The following TMEM132C variants were observed in gnomAD, a reference collection of about 807,000 sequenced individuals.
TMEM132C encodes the protein transmembrane protein 132C, also known as protein phosphatase 1, regulatory subunit 152.
TMEM132C carries 29 observed loss-of-function variants against 61.4 expected under a neutral mutation model. That is an observed-to-expected ratio of 0.47 (90% CI 0.35 to 0.64). TMEM132C has a LOEUF of 0.64. TMEM132C is among the 30% of genes least tolerant of loss of function. The pLI is 0.00. For synonymous variants in TMEM132C, 656 were observed against 633.1 expected (o/e 1.04, Z -0.54); for missense variants, 1,408 against 1,476.9 (o/e 0.95, Z 0.76).
intron 2 of TMEM132C, among the ~76,000 whole-genome samples, chr12:128,421,926 CA>C (rs76643689): frequency 0.023 from 3,487 of 152,188 alleles, 225 homozygotes; most frequent in Admixed American, 0.12. Context: ...TATGACTTGG[CA>C]AAAAATAAAG....
At chr12:128,434,529 C>T (rs568929304) in intron 2 of TMEM132C, among the ~76,000 whole-genome samples, 200 of 152,276 alleles carry the variant, frequency 1.3e-3, no homozygotes, top group African/African-American at 4.1e-3. Flanking sequence ...CTCAAGTGAT[C>T]CGCCTGCCTC....
chr12:128,474,073 A>C (rs1322746629), intron 2 of TMEM132C, among the ~76,000 whole-genome samples: 1 of 152,172 alleles, frequency 6.6e-6, no homozygotes. Flanking sequence ...ATCCTGTTGT[A>C]AAATTTTAGA....
At chr12:128,470,694 G>C (rs969356555) in intron 2 of TMEM132C, among the ~76,000 whole-genome samples, 3 of 152,174 alleles carry the variant, frequency 2.0e-5, no homozygotes, top group African/African-American at 7.2e-5. Context: ...CTATGCAAGA[G>C]GAATGTGTTC....
intron 2 of TMEM132C, among the ~76,000 whole-genome samples, chr12:128,421,269 T>C (rs1419582459): frequency 6.6e-6 from 1 of 152,196 alleles, no homozygotes; most frequent in Admixed American, 6.5e-5. Context: ...AATGAGTGAA[T>C]AAAGAACATG....
At chr12:128,469,674 A>G (rs1309179108) in intron 2 of TMEM132C, among the ~76,000 whole-genome samples, 2 of 148,594 alleles carry the variant, frequency 1.3e-5, no homozygotes, top group Non-Finnish European at 3.0e-5. Flanking sequence ...ATATATATAT[A>G]TGTGCATTTA....
chr12:128,441,228 G>A (rs940137480), intron 2 of TMEM132C, among the ~76,000 whole-genome samples: 9 of 152,188 alleles, frequency 5.9e-5, no homozygotes, highest in African/African-American at 2.2e-4. Flanking sequence ...GCAGAGCCAC[G>A]GTCAACCTCA....
chr12:128,344,915 A>T (rs1873099953), intron 1 of TMEM132C, among the ~76,000 whole-genome samples: 1 of 151,276 alleles, frequency 6.6e-6, no homozygotes, highest in Non-Finnish European at 1.5e-5. Context: ...TTCCTAAAAA[A>T]GATGAGTTTC....
intron 2 of TMEM132C, among the ~76,000 whole-genome samples, chr12:128,503,673 A>G (rs1029691050): frequency 1.3e-5 from 2 of 152,216 alleles, no homozygotes; most frequent in Non-Finnish European, 2.9e-5. Context: ...CCCATCATCA[A>G]TGTCATGAGG....
intron 4 of TMEM132C, among the ~76,000 whole-genome samples, chr12:128,646,404 A>T (rs1954199007): frequency 6.6e-6 from 1 of 151,060 alleles, no homozygotes; most frequent in Non-Finnish European, 1.5e-5. Flanking sequence ...TGTTTACTAG[A>T]TCCCATCAGT....
chr12:128,655,363 C>CGTGT (rs1440455392), intron 4 of TMEM132C, among the ~76,000 whole-genome samples: 1 of 152,044 alleles, frequency 6.6e-6, no homozygotes, highest in Non-Finnish European at 1.5e-5. Flanking sequence ...TGTTTGTGTG[C>CGTGT]GTGTGTGTAA....
At position 128,341,745 on chromosome 12, in the gene TMEM132C, G is replaced by A. The variant is rs150090394; in HGVS notation, c.86-72987G>A. 2.3e-3 allele frequency among the ~76,000 whole-genome samples: 355 copies of A among 152,328 alleles called. 3 individuals carry two copies. The highest frequency in any genetic ancestry group is 0.01 in the Middle Eastern group (3 of 294). ...AGCCATTTTGGGGGATGAGGTAGAA[G>A]TAGAGAATGGCATGCAGATTCGGGG... On this transcript the variant is annotated intron_variant, in intron 1 of 8. Coordinates refer to ENST00000435159, the MANE Select transcript of TMEM132C (RefSeq NM_001136103.3).
At chr12:128,683,436 A>G (rs1486365831) in intron 5 of TMEM132C, among the ~76,000 whole-genome samples, 1 of 152,156 alleles carries the variant, frequency 6.6e-6, no homozygotes, top group African/African-American at 2.4e-5. Context: ...ACAGGCCACA[A>G]TTATTCCTAC....
At chr12:128,391,809 A>G (rs962568489) in intron 1 of TMEM132C, among the ~76,000 whole-genome samples, 1 of 152,222 alleles carries the variant, frequency 6.6e-6, no homozygotes, top group Admixed American at 6.5e-5. Flanking sequence ...CAGACTTTAG[A>G]CCAGGGGTCT....
intron 2 of TMEM132C, among the ~76,000 whole-genome samples, chr12:128,500,710 AT>A (rs1324572918): frequency 6.6e-6 from 1 of 152,216 alleles, no homozygotes; most frequent in Non-Finnish European, 1.5e-5. Context: ...AAACTGAAAC[AT>A]TCATACATTG....
intron 4 of TMEM132C, among the ~76,000 whole-genome samples, chr12:128,666,288 CACAT>C (rs938742611): frequency 1.3e-5 from 2 of 151,852 alleles, no homozygotes; most frequent in Non-Finnish European, 2.9e-5. Flanking sequence ...CACAGGCACA[CACAT>C]ACACACAGGC....
At chr12:128,379,806 T>C (rs764123151) in intron 1 of TMEM132C, among the ~76,000 whole-genome samples, 1 of 152,214 alleles carries the variant, frequency 6.6e-6, no homozygotes, top group Non-Finnish European at 1.5e-5. Context: ...CATGGACATA[T>C]GCTTTTAGCG....
At chr12:128,321,071 C>G (rs941961755) in intron 1 of TMEM132C, among the ~76,000 whole-genome samples, 6 of 150,660 alleles carry the variant, frequency 4.0e-5, no homozygotes, top group Non-Finnish European at 4.4e-5. Flanking sequence ...ACCATTAACA[C>G]TAAAGAGGAG....
chr12:128,572,126 G>A (rs1474457552), intron 3 of TMEM132C, among the ~76,000 whole-genome samples: 1 of 151,534 alleles, frequency 6.6e-6, no homozygotes, highest in Non-Finnish European at 1.5e-5. Context: ...TGGTTAGCTA[G>A]GCCTGTGTCA....
At chr12:128,447,007 G>T (rs764080336) in intron 2 of TMEM132C, among the ~76,000 whole-genome samples, 9 of 152,150 alleles carry the variant, frequency 5.9e-5, no homozygotes, top group Non-Finnish European at 4.4e-5. Flanking sequence ...ACAGCAATTG[G>T]TACACGTGTG....
Sources: allele counts gnomAD v4.1 joint callset (sites outside exome capture counted in the v4.1 genomes callset), GRCh38; gene constraint gnomAD v4.1.1; transcripts MANE v1.5; gene names NCBI Gene and HGNC (gene_info 2026-07-23, HGNC 2026-07-21).